The following ITGA9 variants were observed in gnomAD, a reference collection of about 807,000 sequenced individuals.
ITGA9 encodes integrin alpha-9.
In ITGA9, 56 loss-of-function variants were observed where a neutral mutation model predicts 127.8. The ratio of observed to expected loss-of-function variants is 0.44; its 90% confidence interval spans 0.35 to 0.55. The LOEUF (loss-of-function observed/expected upper bound fraction) is 0.55. ITGA9 is among the 20% of genes least tolerant of loss of function. The probability of loss-of-function intolerance (pLI) is 0.00; values close to 1 mark genes in which losing one functional copy is unlikely to be tolerated. For synonymous variants in ITGA9, 508 were observed against 514.5 expected (o/e 0.99, Z 0.17); for missense variants, 1,196 against 1,347.1 (o/e 0.89, Z 1.76).
At position 37,777,443 on chromosome 3, in the gene ITGA9, A is replaced by G. The variant is rs367702104; in HGVS notation, c.2593A>G (p.Ile865Val). The stretch of plus-strand genomic sequence containing the variant: ...TTTCCAGAAAAACCCAACTCCCTGC[A>G]TCATCCCTCAAGAACAAGAAAATAT... The part of the protein sequence containing the change: ...CSFQKNPTPC[I>V]IPQEQENIFH... Residue 865 changes from isoleucine to valine, a missense_variant, in exon 24 of 28, where the codon ATC becomes GTC. By Grantham distance (29) the Ile-to-Val change is conservative. Coordinates refer to ENST00000264741, the MANE Select transcript of ITGA9 (RefSeq NM_002207.3). 24 of 1,614,010 alleles carry G rather than the reference A, an allele frequency of 1.5e-5. No individual in the cohort carries two copies. Among genetic ancestry groups the G allele is most frequent in the African/African-American group, 1.3e-5 (1 of 74,940 alleles).
At chr3:37,466,689 T>C (rs73826550) in intron 1 of ITGA9, among the ~76,000 whole-genome samples, 3,493 of 152,160 alleles carry the variant, frequency 0.023, 127 homozygotes, top group African/African-American at 0.079. Flanking sequence ...TTAAAATGCA[T>C]TCTGATTTAA....
intron 15 of ITGA9, among the ~76,000 whole-genome samples, chr3:37,576,728 C>T (rs554401181): frequency 6.6e-6 from 1 of 152,308 alleles, no homozygotes; most frequent in South Asian, 2.1e-4. Flanking sequence ...CTCAGCCTCC[C>T]GAGTACCTGG....
intron 14 of ITGA9, among the ~76,000 whole-genome samples, chr3:37,538,939 C>T (rs1023920375): frequency 3.9e-5 from 6 of 152,168 alleles, no homozygotes; most frequent in African/African-American, 9.7e-5. Context: ...TTGGATAATG[C>T]GGTATGTCTG....
chr3:37,600,638 C>CTCACT (rs1699914209), intron 15 of ITGA9, among the ~76,000 whole-genome samples: 2 of 152,188 alleles, frequency 1.3e-5, no homozygotes, highest in South Asian at 4.1e-4. Context: ...GAAGCCCTTA[C>CTCACT]GGATGCCTCC....
intron 15 of ITGA9, among the ~76,000 whole-genome samples, chr3:37,594,411 A>G (rs1699849425): frequency 6.6e-6 from 1 of 152,190 alleles, no homozygotes; most frequent in South Asian, 2.1e-4. Flanking sequence ...CTGGTAAAGC[A>G]TAAGGAGAGG....
chr3:37,802,134 A>G (rs180985106), intron 26 of ITGA9, among the ~76,000 whole-genome samples: 2 of 152,328 alleles, frequency 1.3e-5, no homozygotes, highest in Non-Finnish European at 2.9e-5. Flanking sequence ...AATCCAGAGC[A>G]AATATCCTCT....
intron 18 of ITGA9, among the ~76,000 whole-genome samples, chr3:37,721,114 CTTTTTTTTTTT>C (rs35254377): frequency 4.3e-5 from 4 of 93,234 alleles, no homozygotes; most frequent in African/African-American, 1.4e-4. Flanking sequence ...CTTTTCTTGC[CTTTTTTTTTTT>C]TTTTTTTTTT....
chr3:37,603,364 A>G (rs1434136624), intron 15 of ITGA9, among the ~76,000 whole-genome samples: 1 of 152,240 alleles, frequency 6.6e-6, no homozygotes, highest in Admixed American at 6.5e-5. Flanking sequence ...TATTATAAGT[A>G]ATCTAGAGAT....
intron 15 of ITGA9, among the ~76,000 whole-genome samples, chr3:37,611,139 T>G (rs1295704429): frequency 6.6e-6 from 1 of 152,182 alleles, no homozygotes; most frequent in Non-Finnish European, 1.5e-5. Context: ...TTCTTAGGAA[T>G]GGTGGTCTCA....
intron 18 of ITGA9, among the ~76,000 whole-genome samples, chr3:37,690,286 G>A (rs73827030): frequency 0.035 from 5,273 of 152,272 alleles, 213 homozygotes; most frequent in South Asian, 0.14. Context: ...ATGGAAAGAG[G>A]CTGCCCATGT....
chr3:37,533,477 C>G lies in ITGA9; in HGVS notation c.1528+9C>G, dbSNP rs139498500. ...CGTTCCAGGAGAGATTGGTAATGAG[C>G]CACCAAGTCAGGGCTCAGGATACCC... On this transcript the variant is annotated intron_variant, in intron 14 of 27. Transcript: ENST00000264741. 6.2e-7 allele frequency: 1 copy of G among 1,613,728 alleles called. No individual in the cohort carries two copies. The highest frequency in any genetic ancestry group is 1.1e-5 in the South Asian group (1 of 91,024).
At chr3:37,507,307 G>A (rs534982635) in intron 7 of ITGA9, among the ~76,000 whole-genome samples, 2 of 152,220 alleles carry the variant, frequency 1.3e-5, no homozygotes, top group African/African-American at 2.4e-5. Flanking sequence ...TTGGGGAGGG[G>A]CTGCGGGCTA....
In ITGA9 at chr3:37,512,003, CTTTTCTTTTCTTTTCTTTTCTTTT is replaced by C. The variant is rs1221333668; in HGVS notation, c.898-1759_898-1736del. 1.9e-3 allele frequency among the ~76,000 whole-genome samples: 69 copies of C among 36,174 alleles called. 1 individual carries two copies. The highest frequency in any genetic ancestry group is 2.0e-3 in the African/African-American group (30 of 15,292). 23.7% of individuals were successfully genotyped at this position (36,174 alleles called of 152,430 possible). A position where few individuals can be genotyped will look rare whatever the true frequency, so the allele number is the denominator to read the frequency against. On this transcript the variant is annotated intron_variant, in intron 8 of 27. Coordinates refer to ENST00000264741, the MANE Select transcript of ITGA9 (RefSeq NM_002207.3). ...CTTTTCTTTTCTTTTCTTTTCTTTT[CTTTTCTTTTCTTTTCTTTTCTTTT>C]CTTTCTTTCTTTCTTTCTTTCTTTC...
At chr3:37,595,646 A>G (rs1291284479) in intron 15 of ITGA9, among the ~76,000 whole-genome samples, 1 of 152,192 alleles carries the variant, frequency 6.6e-6, no homozygotes, top group African/African-American at 2.4e-5. Flanking sequence ...CCATGTTCCA[A>G]CAACTTGTTA....
chr3:37,653,564 G>T, intron 16 of ITGA9, 150 bp from the exon 17 acceptor site: 1 of 743,508 alleles, frequency 1.3e-6, no homozygotes, highest in Non-Finnish European at 2.5e-6. Flanking sequence ...CCCTTCCCAC[G>T]CTGGAGAGCT....
At chr3:37,533,258 G>C in intron 13 of ITGA9, 56 bp from the exon 14 acceptor site, 2 of 1,526,402 alleles carry the variant, frequency 1.3e-6, no homozygotes, top group Non-Finnish European at 1.8e-6. Flanking sequence ...GTTCTTGTTT[G>C]GTTCTGAGAG....
intron 4 of ITGA9, among the ~76,000 whole-genome samples, chr3:37,483,027 T>C (rs962016290): frequency 2.0e-5 from 3 of 152,086 alleles, no homozygotes; most frequent in African/African-American, 7.2e-5. Context: ...TCCTTTTTCC[T>C]AAGGAAGAAA....
chr3:37,600,329 C>A (rs1699905417), intron 15 of ITGA9, among the ~76,000 whole-genome samples: 1 of 152,174 alleles, frequency 6.6e-6, no homozygotes, highest in Non-Finnish European at 1.5e-5. Flanking sequence ...CCCATCACCT[C>A]TGGTTATAGA....
chr3:37,467,912 CCCAGTGGCTCTAAAGCTCAG>C (rs1398337397), intron 1 of ITGA9, among the ~76,000 whole-genome samples: 1 of 152,116 alleles, frequency 6.6e-6, no homozygotes, highest in Non-Finnish European at 1.5e-5. Flanking sequence ...TGTGACTTAC[CCCAGTGGCTCTAAAGCTCAG>C]CCGCTACAGC....
Sources: gnomAD v4.1 joint callset for allele counts (sites outside exome capture counted in the v4.1 genomes callset) on GRCh38, gnomAD v4.1.1 for gene constraint, MANE v1.5 for transcripts, NCBI Gene and HGNC (gene_info 2026-07-23, HGNC 2026-07-21) for gene names.